PCDHGA5: variants seen among roughly 807,000 people sequenced by gnomAD.
PCDHGA5 encodes the protein protocadherin gamma-A5.
A neutral mutation model predicts 56.7 loss-of-function variants in PCDHGA5; 36 were observed. The observed-to-expected ratio is 0.64, with a 90% confidence interval of 0.49 to 0.84. PCDHGA5 has a LOEUF of 0.84. PCDHGA5 is among the 40% of genes least tolerant of loss of function. The pLI, the probability that PCDHGA5 is intolerant of heterozygous loss-of-function variation, is 0.00. For missense variants in PCDHGA5, 1,305 were observed against 1,201.5 expected, an observed-to-expected ratio of 1.09 and a Z score of -1.27; for synonymous variants, 563 against 520.2, an observed-to-expected ratio of 1.08 and a Z score of -1.12.
intron 1 of PCDHGA5, chr5:141,395,843 A>T (rs570175269): frequency 2.0e-5 from 3 of 152,044 alleles, no homozygotes; most frequent in Non-Finnish European, 4.4e-5. Flanking sequence ...TTGGTGGGAG[A>T]TGAGACTGGT....
intron 1 of PCDHGA5, chr5:141,384,391 G>A: frequency 1.2e-6 from 2 of 1,613,920 alleles, no homozygotes; most frequent in Non-Finnish European, 1.7e-6. Context: ...CACCATCCAG[G>A]GGGCTCCAGT....
chr5:141,394,253 C>A (rs771138606), intron 1 of PCDHGA5: 1 of 1,613,986 alleles, frequency 6.2e-7, no homozygotes, highest in Admixed American at 1.7e-5. Flanking sequence ...ACGACCCCGA[C>A]AGCCAGGAGA....
chr5:141,413,002 G>A, intron 1 of PCDHGA5: 2 of 597,506 alleles, frequency 3.3e-6, no homozygotes, highest in East Asian at 3.0e-5. Context: ...GGATTCTCAG[G>A]GCTTCAACTA....
At position 141,366,371 on chromosome 5, in the gene PCDHGA5, C is replaced by T. The variant is rs780787385; in HGVS notation, c.2041C>T (p.Pro681Ser). 2.2e-5 allele frequency: 35 copies of T among 1,613,992 alleles called. No individual in the cohort carries two copies. In the South Asian group the frequency reaches 3.4e-4, roughly 16 times the overall value. Reference sequence around the variant, plus strand: ...GGCTGACCTAGGCAGTATCAAGACCCCCATTGACCCTGAGGATCTGGACCT... The same window carrying T: ...GGCTGACCTAGGCAGTATCAAGACCTCCATTGACCCTGAGGATCTGGACCT... ...ILADLGSIKT[P>S]IDPEDLDLTL... Residue 681 changes from proline to serine, a missense_variant, in exon 1 of 4, where the codon CCC becomes TCC. Pro to Ser is a moderately conservative substitution (Grantham distance 74). Coordinates refer to ENST00000518069, the MANE Select transcript of PCDHGA5 (RefSeq NM_018918.3).
intron 1 of PCDHGA5, chr5:141,395,547 TGTGTGTGTGTGTGTGTGTGTG>T (rs2093271294): frequency 4.6e-5 from 8 of 174,262 alleles, no homozygotes; most frequent in Non-Finnish European, 8.3e-5. Context: ...ATTGTTTGTG[TGTGTGTGTGTGTGTGTGTGTG>T]TGTGTGTGTG....
chr5:141,415,077 A>C, intron 1 of PCDHGA5: 2 of 1,613,468 alleles, frequency 1.2e-6, no homozygotes, highest in Non-Finnish European at 1.7e-6. Flanking sequence ...GCACGGCGCG[A>C]GCCCTGCTGG....
chr5:141,394,184 C>T (rs1277537550), intron 1 of PCDHGA5: 1 of 1,613,944 alleles, frequency 6.2e-7, no homozygotes, highest in Non-Finnish European at 8.5e-7. Flanking sequence ...ATGCCTCCTA[C>T]TCAGCGTATA....
intron 1 of PCDHGA5, chr5:141,398,756 T>C: frequency 1.9e-6 from 3 of 1,613,924 alleles, no homozygotes; most frequent in Non-Finnish European, 2.5e-6. Context: ...TACCATCGTT[T>C]AGTCCTGACT....
At chr5:141,441,004 C>G (rs1258800474) in intron 1 of PCDHGA5, 1 of 152,066 alleles carries the variant, frequency 6.6e-6, no homozygotes, top group African/African-American at 2.4e-5. Flanking sequence ...TCTAGTTTGG[C>G]CTTGATCAAA....
chr5:141,408,877 C>T (rs1476847671), intron 1 of PCDHGA5: 4 of 1,613,308 alleles, frequency 2.5e-6, no homozygotes, highest in Admixed American at 3.3e-5. Flanking sequence ...GAAGTGCCAC[C>T]GCTCACATAG....
chr5:141,405,575 G>T, intron 1 of PCDHGA5: 2 of 598,040 alleles, frequency 3.3e-6, no homozygotes, highest in Non-Finnish European at 5.9e-6. Flanking sequence ...GAGTAGAGTA[G>T]CTGGGACTAC....
At chr5:141,387,089 G>T (rs1034064461) in intron 1 of PCDHGA5, among the ~76,000 whole-genome samples, 1 of 152,162 alleles carries the variant, frequency 6.6e-6, no homozygotes, top group African/African-American at 2.4e-5. Flanking sequence ...TGTGATCATC[G>T]AAATGAGAAT....
In PCDHGA5 at chr5:141,365,839, C is replaced by A. The variant is rs1212060265; in HGVS notation, c.1509C>A (p.Ser503=). ...EDTFQGAPLS[S]YVSINSDTGV... is the part of the protein sequence containing the mutation. ...CATTTCAGGGGGCGCCCTTGTCCTC[C>A]TATGTATCCATTAACTCTGACACCG... Residue 503 remains serine, a synonymous_variant, in exon 1 of 4, where the codon TCC becomes TCA. Transcript: ENST00000518069. The A allele has an allele frequency of 1.9e-6, 3 of 1,613,840 alleles. No homozygotes were observed. The African/African-American group carries it at 4.0e-5, about 22-fold the overall frequency.
At chr5:141,389,465 A>G (rs1485260449) in intron 1 of PCDHGA5, 2 of 1,613,184 alleles carry the variant, frequency 1.2e-6, no homozygotes, top group Admixed American at 1.7e-5. Context: ...GCGCCTTCGA[A>G]CTCACACTGC....
At chr5:141,399,362 C>G (rs182743080) in intron 1 of PCDHGA5, 1 of 1,613,872 alleles carries the variant, frequency 6.2e-7, no homozygotes, top group Non-Finnish European at 8.5e-7. Context: ...GAGCAAACCC[C>G]GGAGTACAAT....
intron 1 of PCDHGA5, chr5:141,409,268 A>G (rs753457286): frequency 1.5e-5 from 24 of 1,613,896 alleles, no homozygotes; most frequent in Non-Finnish European, 2.0e-5. Context: ...CTCTGATCAG[A>G]TTTTGGAGAA....
chr5:141,370,288 C>A, intron 1 of PCDHGA5: 1 of 1,009,420 alleles, frequency 9.9e-7, no homozygotes, highest in Non-Finnish European at 1.4e-6. Flanking sequence ...ATTAGAGAAC[C>A]CAAGCACAAA....
intron 1 of PCDHGA5, among the ~76,000 whole-genome samples, chr5:141,483,997 T>G (rs2099590025): frequency 8.6e-5 from 6 of 69,516 alleles, no homozygotes; most frequent in East Asian, 4.4e-4. Context: ...TGCTGGGAGG[T>G]CTGGATGAGG....
At chr5:141,428,055 G>T in intron 1 of PCDHGA5, 1 of 1,609,070 alleles carries the variant, frequency 6.2e-7, no homozygotes, top group Non-Finnish European at 8.5e-7. Context: ...CAAGGTGGTG[G>T]CGGTGGACGC....
Sources: allele counts gnomAD v4.1 joint callset (sites outside exome capture counted in the v4.1 genomes callset), GRCh38; gene constraint gnomAD v4.1.1; transcripts MANE v1.5; gene names NCBI Gene and HGNC (gene_info 2026-07-23, HGNC 2026-07-21).